CYP7B1: variants seen among roughly 807,000 people sequenced by gnomAD.
CYP7B1 encodes the protein cytochrome P450 family 7 subfamily B member 1.
CYP7B1 carries 29 observed loss-of-function variants against 42.7 expected under a neutral mutation model. The observed-to-expected ratio is 0.68, with a 90% CI of 0.51 to 0.93. The LOEUF (loss-of-function observed/expected upper bound fraction) is 0.93. Among genes scored for constraint, CYP7B1 ranks in the 40% least tolerant of loss-of-function variants. The pLI is 0.00. For synonymous variants in CYP7B1, 235 were observed against 218.2 expected (o/e 1.08, Z -0.68); for missense variants, 655 against 600.5 (o/e 1.09, Z -0.95).
chr8:64,725,720 C>T (rs2129632964), intron 1 of CYP7B1, among the ~76,000 whole-genome samples: 1 of 152,328 alleles, frequency 6.6e-6, no homozygotes, highest in Middle Eastern at 3.4e-3. Context: ...AAGACTGACA[C>T]ACTTCTTAGA....
intron 1 of CYP7B1, among the ~76,000 whole-genome samples, chr8:64,718,729 G>T (rs1262054240): frequency 6.6e-6 from 1 of 152,178 alleles, no homozygotes; most frequent in African/African-American, 2.4e-5. Flanking sequence ...AGGCAGACTA[G>T]GTCCCCGTAG....
intron 1 of CYP7B1, among the ~76,000 whole-genome samples, chr8:64,788,976 AGTGGT>A (rs1804572832): frequency 6.6e-6 from 1 of 152,200 alleles, no homozygotes; most frequent in South Asian, 2.1e-4. Flanking sequence ...CCTGGAGTGC[AGTGGT>A]GTGATCTCGG....
At chr8:64,793,341 C>T (rs1160574839) in intron 1 of CYP7B1, among the ~76,000 whole-genome samples, 2 of 151,956 alleles carry the variant, frequency 1.3e-5, no homozygotes, top group African/African-American at 4.8e-5. Context: ...AGAATTTAAA[C>T]ATCTTATATT....
At chr8:64,724,246 T>C (rs916912507) in intron 1 of CYP7B1, among the ~76,000 whole-genome samples, 2 of 152,064 alleles carry the variant, frequency 1.3e-5, no homozygotes, top group African/African-American at 2.4e-5. Context: ...TTCAAGAGAT[T>C]CTCCTAACTT....
At chr8:64,624,119 TA>T (rs771287507) in intron 2 of CYP7B1, among the ~76,000 whole-genome samples, 13 of 151,898 alleles carry the variant, frequency 8.6e-5, no homozygotes, top group Non-Finnish European at 1.3e-4. Flanking sequence ...TATATATATA[TA>T]TTTTTTTTTC....
At chr8:64,651,933 G>A (rs938620543) in intron 1 of CYP7B1, among the ~76,000 whole-genome samples, 4 of 152,160 alleles carry the variant, frequency 2.6e-5, no homozygotes, top group Admixed American at 6.5e-5. Flanking sequence ...TACTGTTTAC[G>A]TTGCTGGGTG....
intron 4 of CYP7B1, among the ~76,000 whole-genome samples, chr8:64,613,130 C>A (rs772297768): frequency 9.2e-5 from 14 of 152,258 alleles, no homozygotes; most frequent in Non-Finnish European, 1.6e-4. Flanking sequence ...ACCATCCAGG[C>A]TGCTGAAGGT....
chr8:64,624,454 T>C lies in CYP7B1; in HGVS notation c.208A>G (p.Met70Val). The change falls in exon 2 of 6, where the codon ATG becomes GTG. Residue 70 changes from methionine to valine, a missense_variant. Physicochemically the swap from Met to Val is conservative, Grantham distance 21. Transcript: ENST00000310193. Reference sequence around the variant, plus strand: ...CCATGTTGCTTTTGAAGTGTTTTCATGAACCTTAAGGGGTCTTTTCGTAAG... The same window carrying C: ...CCATGTTGCTTTTGAAGTGTTTTCACGAACCTTAAGGGGTCTTTTCGTAAG... ...LNLRKDPLRF[M>V]KTLQKQHGDT... 1 of 1,613,678 alleles carries C rather than the reference T, an allele frequency of 6.2e-7. No homozygotes were observed. The highest frequency in any genetic ancestry group is 8.5e-7 in the Non-Finnish European group (1 of 1,179,948).
chr8:64,646,837 C>A (rs2129631107), intron 1 of CYP7B1, among the ~76,000 whole-genome samples: 1 of 152,278 alleles, frequency 6.6e-6, no homozygotes. Context: ...AAAACTTTTT[C>A]TCTATCAGCA....
At chr8:64,718,815 T>C (rs1429696245) in intron 1 of CYP7B1, among the ~76,000 whole-genome samples, 1 of 152,162 alleles carries the variant, frequency 6.6e-6, no homozygotes, top group Non-Finnish European at 1.5e-5. Flanking sequence ...GGATTTTCCT[T>C]AGGGTAACTG....
At position 64,615,228 on chromosome 8, in the gene CYP7B1, A is replaced by C. The variant is rs765867890; in HGVS notation, c.855T>G (p.His285Gln). The C allele has an allele frequency of 6.2e-7, 1 of 1,612,396 alleles. No homozygotes were observed. Among genetic ancestry groups the C allele is most frequent in the Non-Finnish European group, 8.5e-7 (1 of 1,179,012 alleles). ...CAGAGGCCCAGAGAAAGCCTAAATGATGTGCTGGGAGAAAATAAGTGAAAA... is the reference window on the plus strand; with the variant it reads ...CAGAGGCCCAGAGAAAGCCTAAATGCTGTGCTGGGAGAAAATAAGTGAAAA... ...YVHEDLEIGA[H>Q]HLGFLWASVA... Residue 285 changes from histidine to glutamine, a missense_variant, in exon 4 of 6, where the codon CAT becomes CAG. His to Gln is a conservative substitution (Grantham distance 24). Coordinates refer to ENST00000310193, the MANE Select transcript of CYP7B1 (RefSeq NM_004820.5).
chr8:64,615,274 T>C (rs757290723), intron 3 of CYP7B1, 42 bp from the exon 4 acceptor site: 6 of 1,553,802 alleles, frequency 3.9e-6, no homozygotes, highest in Non-Finnish European at 5.3e-6. Context: ...TAGCGTTTAT[T>C]ACACTGATTA....
intron 4 of CYP7B1, 144 bp downstream of exon 4, chr8:64,614,882 A>G: frequency 1.3e-6 from 1 of 773,846 alleles, no homozygotes; most frequent in Non-Finnish European, 2.2e-6. Flanking sequence ...GCTATAAACT[A>G]CATAATTTAT....
chr8:64,779,953 A>G (rs1193586502), intron 1 of CYP7B1, among the ~76,000 whole-genome samples: 1 of 152,134 alleles, frequency 6.6e-6, no homozygotes, highest in African/African-American at 2.4e-5. Flanking sequence ...AAACCTAAAT[A>G]TGTACTGTTA....
chr8:64,622,713 T>C (rs1805549743), intron 2 of CYP7B1, among the ~76,000 whole-genome samples: 3 of 152,016 alleles, frequency 2.0e-5, no homozygotes, highest in Admixed American at 1.3e-4. Flanking sequence ...TGAAGATGCA[T>C]GTGTGAGAGG....
intron 1 of CYP7B1, among the ~76,000 whole-genome samples, chr8:64,789,119 G>T (rs1479970609): frequency 2.6e-5 from 4 of 151,908 alleles, no homozygotes; most frequent in East Asian, 3.9e-4. Flanking sequence ...GTAGAGACAG[G>T]GTTTCACCAG....
At chr8:64,771,671 T>C (rs1804234360) in intron 1 of CYP7B1, among the ~76,000 whole-genome samples, 1 of 152,192 alleles carries the variant, frequency 6.6e-6, no homozygotes, top group Non-Finnish European at 1.5e-5. Context: ...CCATGTGCTG[T>C]AGTCTCTTGC....
intron 1 of CYP7B1, among the ~76,000 whole-genome samples, chr8:64,645,533 C>A (rs540973866): frequency 6.6e-6 from 1 of 151,950 alleles, no homozygotes; most frequent in African/African-American, 2.4e-5. Context: ...AACCAGTGCT[C>A]AAGGAAATAA....
chr8:64,693,323 G>T (rs58451406), intron 1 of CYP7B1, among the ~76,000 whole-genome samples: 1 of 152,046 alleles, frequency 6.6e-6, no homozygotes, highest in East Asian at 1.9e-4. Flanking sequence ...GTGTGTGCGG[G>T]TATGTATATG....
Sources: gnomAD v4.1 joint callset for allele counts (sites outside exome capture counted in the v4.1 genomes callset) on GRCh38, gnomAD v4.1.1 for gene constraint, MANE v1.5 for transcripts, NCBI Gene and HGNC (gene_info 2026-07-23, HGNC 2026-07-21) for gene names.